The following IPCEF1 variants were observed in gnomAD, a reference collection of about 807,000 sequenced individuals.
The protein encoded by IPCEF1 is interaction protein for cytohesin exchange factors 1.
In IPCEF1, 31 loss-of-function variants were observed where a neutral mutation model predicts 50.9. The ratio of observed to expected loss-of-function variants is 0.61; its 90% confidence interval spans 0.46 to 0.82. IPCEF1 has a LOEUF of 0.82. Among genes scored for constraint, IPCEF1 ranks in the 40% least tolerant of loss-of-function variants. The pLI, the probability that IPCEF1 is intolerant of heterozygous loss-of-function variation, is 0.00. For missense variants in IPCEF1, 458 were observed against 514.0 expected, an observed-to-expected ratio of 0.89 and a Z score of 1.05; for synonymous variants, 181 against 192.0, an observed-to-expected ratio of 0.94 and a Z score of 0.47.
intron 5 of IPCEF1, among the ~76,000 whole-genome samples, chr6:154,237,483 T>TA (rs1780229514): frequency 6.6e-6 from 1 of 152,248 alleles, no homozygotes; most frequent in African/African-American, 2.4e-5. Flanking sequence ...TCCTGCATCC[T>TA]AAAATCTCAA....
intron 3 of IPCEF1, among the ~76,000 whole-genome samples, chr6:154,261,666 C>T (rs527371134): frequency 6.6e-6 from 1 of 152,200 alleles, no homozygotes. Context: ...CAGGACAATG[C>T]TGTTTGGTAT....
chr6:154,202,121 A>C (rs977187381), intron 9 of IPCEF1, among the ~76,000 whole-genome samples: 5 of 152,250 alleles, frequency 3.3e-5, no homozygotes, highest in African/African-American at 1.2e-4. Flanking sequence ...GTACCCAATC[A>C]GTTCCATGCT....
At chr6:154,343,515 C>T (rs1248179027) in intron 1 of IPCEF1, among the ~76,000 whole-genome samples, 1 of 152,176 alleles carries the variant, frequency 6.6e-6, no homozygotes, top group Non-Finnish European at 1.5e-5. Context: ...CCTGGGAAAG[C>T]TTTTCCTCCC....
intron 11 of IPCEF1, among the ~76,000 whole-genome samples, chr6:154,162,704 T>A (rs1353822030): frequency 1.9e-5 from 1 of 53,484 alleles, no homozygotes; most frequent in Non-Finnish European, 4.6e-5. Flanking sequence ...CTCTGCTCTA[T>A]CTATGTTCAT....
chr6:154,246,559 G>A (rs765945298), intron 5 of IPCEF1, 32 bp downstream of exon 5: 6 of 1,582,706 alleles, frequency 3.8e-6, no homozygotes, highest in South Asian at 2.3e-5. Context: ...TCATTAAAAC[G>A]GCTGGGAATA....
intron 4 of IPCEF1, 42 bp downstream of exon 4, chr6:154,247,407 G>A (rs759012350): frequency 6.4e-6 from 10 of 1,550,926 alleles, no homozygotes; most frequent in Admixed American, 3.4e-5. Flanking sequence ...CACACTCAAC[G>A]TACACAAAAT....
chr6:154,163,976 A>G (rs1485918553), intron 11 of IPCEF1, among the ~76,000 whole-genome samples: 3 of 152,224 alleles, frequency 2.0e-5, no homozygotes, highest in South Asian at 2.1e-4. Flanking sequence ...CCAAAAGAGC[A>G]TATTTCTTCT....
At chr6:154,295,910 C>T (rs1384780466) in intron 1 of IPCEF1, among the ~76,000 whole-genome samples, 3 of 18,612 alleles carry the variant, frequency 1.6e-4, no homozygotes, top group East Asian at 3.0e-3. Flanking sequence ...CACACACACA[C>T]GCACACACAC....
chr6:154,200,556 A>G (rs909468501), intron 9 of IPCEF1, among the ~76,000 whole-genome samples: 9 of 152,036 alleles, frequency 5.9e-5, no homozygotes, highest in Non-Finnish European at 1.3e-4. Flanking sequence ...CCCCATCTCT[A>G]CTAAAAATAC....
chr6:154,308,400 T>TA (rs1186320209), intron 1 of IPCEF1, among the ~76,000 whole-genome samples: 1 of 152,196 alleles, frequency 6.6e-6, no homozygotes, highest in Non-Finnish European at 1.5e-5. Context: ...CTACTGGGAT[T>TA]ACAGGCTTGA....
chr6:154,167,867 C>T, intron 11 of IPCEF1, 53 bp downstream of exon 11: 1 of 1,341,080 alleles, frequency 7.5e-7, no homozygotes, highest in Non-Finnish European at 1.0e-6. Flanking sequence ...GCAGAACCAG[C>T]CGTTCCTTGC....
At chr6:154,240,550 TG>T (rs1780497241) in intron 5 of IPCEF1, among the ~76,000 whole-genome samples, 1 of 151,950 alleles carries the variant, frequency 6.6e-6, no homozygotes, top group Non-Finnish European at 1.5e-5. Context: ...CTATATTTAC[TG>T]AAACTTGCAG....
intron 5 of IPCEF1, 89 bp from the exon 6 acceptor site, chr6:154,223,332 A>T: frequency 1.0e-6 from 1 of 997,218 alleles, no homozygotes; most frequent in African/African-American, 1.6e-5. Flanking sequence ...TAGGGATGGT[A>T]TAAATGACAT....
intron 5 of IPCEF1, among the ~76,000 whole-genome samples, chr6:154,245,826 A>G (rs1429593452): frequency 2.0e-5 from 3 of 152,208 alleles, no homozygotes; most frequent in African/African-American, 4.8e-5. Flanking sequence ...GACATTCAAC[A>G]ACATCGTCAT....
At chr6:154,343,977 T>C (rs976796047) in intron 1 of IPCEF1, among the ~76,000 whole-genome samples, 1 of 152,008 alleles carries the variant, frequency 6.6e-6, no homozygotes. Context: ...TGCATTTGCA[T>C]ATTAAAAGAC....
chr6:154,318,535 G>A (rs1324941707), intron 1 of IPCEF1, among the ~76,000 whole-genome samples: 2 of 151,830 alleles, frequency 1.3e-5, no homozygotes, highest in Admixed American at 6.6e-5. Context: ...CTAGAATCAC[G>A]ATGTGCTTCT....
chr6:154,306,385 A>G (rs1422609552), intron 1 of IPCEF1, among the ~76,000 whole-genome samples: 1 of 151,696 alleles, frequency 6.6e-6, no homozygotes, highest in Non-Finnish European at 1.5e-5. Context: ...TGTTTGCTTT[A>G]TTTTGTTTTA....
intron 2 of IPCEF1, among the ~76,000 whole-genome samples, chr6:154,280,100 G>A (rs1583939583): frequency 6.6e-6 from 1 of 152,188 alleles, no homozygotes; most frequent in Non-Finnish European, 1.5e-5. Flanking sequence ...TCAAAATATT[G>A]CCAGTGGAAA....
chr6:154,246,908 C>T, intron 4 of IPCEF1, 148 bp from the exon 5 acceptor site: 1 of 659,242 alleles, frequency 1.5e-6, no homozygotes, highest in Non-Finnish European at 2.1e-6. Context: ...TATGCAAAGC[C>T]TATGCAAAAC....
Sources: gnomAD v4.1 joint callset for allele counts (sites outside exome capture counted in the v4.1 genomes callset) on GRCh38, gnomAD v4.1.1 for gene constraint, MANE v1.5 for transcripts, NCBI Gene and HGNC (gene_info 2026-07-23, HGNC 2026-07-21) for gene names.